Variants in RANBP9 observed in about 807,000 individuals in gnomAD.
The protein encoded by RANBP9 is RAN binding protein 9.
RANBP9 carries 15 observed loss-of-function variants against 84.3 expected under a neutral mutation model. The ratio of observed to expected loss-of-function variants is 0.18; its 90% CI spans 0.12 to 0.27. The LOEUF (loss-of-function observed/expected upper bound fraction) is 0.27, where lower values mean the gene tolerates loss of function less well. Ranked by LOEUF, RANBP9 falls within the 10% of genes least tolerant of loss-of-function variation. The pLI, the probability that RANBP9 is intolerant of heterozygous loss-of-function variation, is 1.00. For synonymous variants in RANBP9, 392 were observed against 349.6 expected, an observed-to-expected ratio of 1.12 and a Z score of -1.35; for missense variants, 809 against 912.8, an observed-to-expected ratio of 0.89 and a Z score of 1.46.
intron 2 of RANBP9, among the ~76,000 whole-genome samples, chr6:13,686,994 T>C (rs947672315): frequency 6.6e-6 from 1 of 152,218 alleles, no homozygotes; most frequent in African/African-American, 2.4e-5. Context: ...CATTCTTTTA[T>C]AGAATCTTAG....
intron 9 of RANBP9, 79 bp downstream of exon 9, chr6:13,639,484 A>G: frequency 7.0e-7 from 1 of 1,438,806 alleles, no homozygotes; most frequent in Non-Finnish European, 9.5e-7. Context: ...AGCTGGAAAT[A>G]TACAGATTTT....
intron 2 of RANBP9, among the ~76,000 whole-genome samples, chr6:13,681,330 T>TGTG (rs10655389): frequency 0.4 from 60,588 of 151,644 alleles, 12,536 homozygotes; most frequent in Admixed American, 0.5. Context: ...TAATTTTAGT[T>TGTG]GTGGTTGTTA....
chr6:13,647,486 T>C (rs1765196698), intron 5 of RANBP9, among the ~76,000 whole-genome samples: 1 of 152,166 alleles, frequency 6.6e-6, no homozygotes, highest in South Asian at 2.1e-4. Flanking sequence ...AATGTATATA[T>C]GGACACAGAA....
intron 2 of RANBP9, among the ~76,000 whole-genome samples, chr6:13,669,307 TTAATC>T (rs1484750301): frequency 6.6e-6 from 1 of 152,152 alleles, no homozygotes; most frequent in Non-Finnish European, 1.5e-5. Context: ...ACTCCCCAAA[TTAATC>T]TAGAGATTCA....
intron 5 of RANBP9, among the ~76,000 whole-genome samples, chr6:13,645,820 A>G (rs1352012426): frequency 1.3e-5 from 2 of 152,222 alleles, no homozygotes; most frequent in Admixed American, 1.3e-4. Context: ...AAAGATCAAG[A>G]GCGGATAATT....
intron 13 of RANBP9, among the ~76,000 whole-genome samples, chr6:13,623,699 A>G (rs1010389331): frequency 3.9e-5 from 6 of 152,194 alleles, no homozygotes; most frequent in African/African-American, 1.4e-4. Context: ...ATATAGATGG[A>G]CCTACATAAT....
chr6:13,671,164 T>C (rs987553237), intron 2 of RANBP9, among the ~76,000 whole-genome samples: 3 of 152,150 alleles, frequency 2.0e-5, no homozygotes, highest in African/African-American at 7.2e-5. Context: ...AGAAGATATG[T>C]GTTGACAAGA....
chr6:13,692,306 C>T (rs1364779318), intron 2 of RANBP9, among the ~76,000 whole-genome samples: 1 of 151,688 alleles, frequency 6.6e-6, no homozygotes, highest in Non-Finnish European at 1.5e-5. Context: ...GAGGCCGAGG[C>T]GGGTGGATCA....
chr6:13,692,545 A>C (rs1386467282), intron 2 of RANBP9, among the ~76,000 whole-genome samples: 1 of 147,278 alleles, frequency 6.8e-6, no homozygotes, highest in East Asian at 2.0e-4. Flanking sequence ...AAAAAAAAAA[A>C]AAAAAAAAAC....
intron 5 of RANBP9, among the ~76,000 whole-genome samples, chr6:13,647,896 T>G (rs1472872033): frequency 1.3e-5 from 2 of 152,110 alleles, no homozygotes; most frequent in Non-Finnish European, 2.9e-5. Flanking sequence ...ACTTGCTATA[T>G]TACAGATTTT....
At chr6:13,645,853 A>T (rs957728000) in intron 5 of RANBP9, among the ~76,000 whole-genome samples, 1 of 152,226 alleles carries the variant, frequency 6.6e-6, no homozygotes, top group African/African-American at 2.4e-5. Flanking sequence ...TGTTAAATAG[A>T]TTTCACAGTA....
At chr6:13,645,780 T>C (rs965258805) in intron 5 of RANBP9, among the ~76,000 whole-genome samples, 2 of 152,212 alleles carry the variant, frequency 1.3e-5, no homozygotes, top group Non-Finnish European at 2.9e-5. Flanking sequence ...TTAATAGTTA[T>C]AACAAGTATT....
intron 10 of RANBP9, among the ~76,000 whole-genome samples, chr6:13,634,965 C>T (rs1054488011): frequency 1.3e-5 from 2 of 152,142 alleles, no homozygotes; most frequent in African/African-American, 2.4e-5. Context: ...GAAAACCTCA[C>T]TCTCAAAACA....
At chr6:13,702,268 T>C (rs372643114) in intron 1 of RANBP9, among the ~76,000 whole-genome samples, 14 of 151,924 alleles carry the variant, frequency 9.2e-5, no homozygotes, top group African/African-American at 3.1e-4. Context: ...CATGGTGAAA[T>C]CCCATCTCTA....
chr6:13,642,487 T>C lies in RANBP9; in HGVS notation c.1217A>G (p.Asn406Ser). Residue 406 changes from asparagine to serine, a missense_variant, in exon 7 of 14, where the codon AAT becomes AGT. Asn to Ser is a conservative substitution (Grantham distance 46). Transcript: ENST00000011619. ...TVLEELASIK[N>S]RQRIQKLVLA... ...CACCACAGTGTCCTTACTTTGTCTA[T>C]TCTTAATGGAAGCTAATTCTTCTAG... The C allele has an allele frequency of 6.3e-7, 1 of 1,583,014 alleles. No individual in the cohort carries two copies. Among genetic ancestry groups the C allele is most frequent in the South Asian group, 1.1e-5 (1 of 88,472 alleles).
chr6:13,710,278 T>C (rs2113377551), intron 1 of RANBP9, among the ~76,000 whole-genome samples: 1 of 152,306 alleles, frequency 6.6e-6, no homozygotes, highest in East Asian at 1.9e-4. Context: ...CCTAAGGACC[T>C]GTATAGGGCA....
At chr6:13,686,116 G>GCCC (rs869094962) in intron 2 of RANBP9, among the ~76,000 whole-genome samples, 1 of 2,112 alleles carries the variant, frequency 4.7e-4, no homozygotes, top group East Asian at 0.022. Context: ...CCCCCCCCCC[G>GCCC]CCCCCCGAAA....
intron 13 of RANBP9, 148 bp from the exon 14 acceptor site, chr6:13,622,640 A>G (rs1331324815): frequency 2.4e-6 from 2 of 824,882 alleles, no homozygotes; most frequent in East Asian, 3.0e-5. Flanking sequence ...TAAGCAAAAG[A>G]CAGATGCCGC....
At chr6:13,705,406 CAAAAAAAAA>C (rs774239782) in intron 1 of RANBP9, among the ~76,000 whole-genome samples, 11 of 26,758 alleles carry the variant, frequency 4.1e-4, no homozygotes, top group African/African-American at 3.8e-4. Context: ...GATTCTGTCT[CAAAAAAAAA>C]AAAAAAAAAA....
Sources: gnomAD v4.1 joint callset for allele counts (sites outside exome capture counted in the v4.1 genomes callset) on GRCh38, gnomAD v4.1.1 for gene constraint, MANE v1.5 for transcripts, NCBI Gene and HGNC (gene_info 2026-07-23, HGNC 2026-07-21) for gene names.